Variants in RIMS4 observed in about 807,000 individuals in gnomAD.
The protein encoded by RIMS4 is regulating synaptic membrane exocytosis 4, also known as regulating synaptic membrane exocytosis protein 4.
Under a neutral mutation model 29.0 loss-of-function variants are expected in RIMS4, and 9 were observed. The observed-to-expected ratio is 0.31, with a 90% confidence interval of 0.19 to 0.54. The LOEUF (loss-of-function observed/expected upper bound fraction) is 0.54. Ranked by LOEUF, RIMS4 falls within the 20% of genes least tolerant of loss-of-function variation. RIMS4 has a pLI of 0.94. For synonymous variants in RIMS4, 130 were observed against 152.9 expected (o/e 0.85, Z 1.10); for missense variants, 193 against 365.7 (o/e 0.53, Z 3.85).
chr20:44,772,363 A>G (rs138148505), intron 1 of RIMS4, among the ~76,000 whole-genome samples: 1 of 152,298 alleles, frequency 6.6e-6, no homozygotes, highest in Non-Finnish European at 1.5e-5. Context: ...CGAAGACCAT[A>G]AACTCCATGA....
intron 1 of RIMS4, 63 bp downstream of exon 1, chr20:44,810,111 AG>A: frequency 1.4e-6 from 1 of 702,446 alleles, no homozygotes; most frequent in East Asian, 8.4e-5. Context: ...CGGGTCGGGG[AG>A]GGGGCTACCG....
rs1484739359 is a variant in RIMS4, at chr20:44,755,425, C to A, written c.*709G>T. The A allele has an allele frequency of 6.5e-6, 1 of 152,678 alleles. No individual in the cohort carries two copies. Among genetic ancestry groups the A allele is most frequent in the Non-Finnish European group, 1.5e-5 (1 of 68,086 alleles). 9.5% of individuals were successfully genotyped at this position (152,678 alleles called of 1,614,324 possible). A position where few individuals can be genotyped will look rare whatever the true frequency, so the allele number is the denominator to read the frequency against. ...GGTTCCTAAACTAGCTTGTTGCAAT[C>A]CCATGGAGCGAGGCACCTAGGGGTC... On this transcript the variant is annotated 3_prime_UTR_variant, in exon 6 of 6. Transcript: ENST00000372851.
In RIMS4 at chr20:44,756,835, T is replaced by G; in HGVS notation, c.591+63A>C. The G allele has an allele frequency of 3.2e-6, 5 of 1,544,150 alleles. No individual in the cohort carries two copies. Among genetic ancestry groups the G allele is most frequent in the Non-Finnish European group, 3.5e-6 (4 of 1,138,258 alleles). Reference sequence around the variant, plus strand: ...CCCCGCCAGGGGTGCCCTCCTCTCATTCTGGTACTGTGCATGTGTGCTCGT... The same window carrying G: ...CCCCGCCAGGGGTGCCCTCCTCTCAGTCTGGTACTGTGCATGTGTGCTCGT... On this transcript the variant is annotated intron_variant, in intron 5 of 5. Coordinates refer to ENST00000372851, the MANE Select transcript of RIMS4 (RefSeq NM_182970.4). The surrounding 1 kb of genome is among the most constrained non-coding windows in gnomAD (Gnocchi z 5.9).
chr20:44,808,394 T>C (rs767799583), intron 1 of RIMS4, among the ~76,000 whole-genome samples: 1 of 152,132 alleles, frequency 6.6e-6, no homozygotes, highest in East Asian at 1.9e-4. Flanking sequence ...CAGCATGACT[T>C]TGAAGAAAAA....
chr20:44,772,454 T>C (rs1326340091), intron 1 of RIMS4, among the ~76,000 whole-genome samples: 1 of 152,158 alleles, frequency 6.6e-6, no homozygotes, highest in Admixed American at 6.5e-5. Context: ...CTAATAACTG[T>C]GGCTGCCTTG....
chr20:44,758,259 C>A, intron 2 of RIMS4, 75 bp from the exon 3 acceptor site: 1 of 1,008,032 alleles, frequency 9.9e-7, no homozygotes. Flanking sequence ...AGCAGTCAAC[C>A]TCCATGCAAT....
At chr20:44,757,115 G>C in intron 4 of RIMS4, 78 bp from the exon 5 acceptor site, 2 of 1,475,970 alleles carry the variant, frequency 1.4e-6, no homozygotes, top group Non-Finnish European at 1.9e-6. Flanking sequence ...GAGGGAGGCT[G>C]CCCACCCTCT....
At chr20:44,777,476 C>T (rs576572135) in intron 1 of RIMS4, among the ~76,000 whole-genome samples, 1 of 152,132 alleles carries the variant, frequency 6.6e-6, no homozygotes, top group Admixed American at 6.6e-5. Flanking sequence ...TATAATTTAA[C>T]CCCACCATAA....
chr20:44,778,405 G>A (rs186447451), intron 1 of RIMS4, among the ~76,000 whole-genome samples: 1 of 152,240 alleles, frequency 6.6e-6, no homozygotes. Flanking sequence ...GCTGGGTACA[G>A]TGGCTCATGG....
intron 2 of RIMS4, among the ~76,000 whole-genome samples, chr20:44,770,065 C>A (rs1246555430): frequency 1.3e-5 from 2 of 152,208 alleles, no homozygotes; most frequent in African/African-American, 4.8e-5. Flanking sequence ...TAGCCACATG[C>A]TTCTAGTGGC....
intron 1 of RIMS4, among the ~76,000 whole-genome samples, chr20:44,785,239 T>C (rs887726877): frequency 5.3e-5 from 8 of 151,960 alleles, no homozygotes; most frequent in African/African-American, 1.9e-4. Context: ...TCTTTTTTTT[T>C]TTTTTTCTTT....
chr20:44,794,094 A>G (rs900920574), intron 1 of RIMS4, among the ~76,000 whole-genome samples: 2 of 152,210 alleles, frequency 1.3e-5, no homozygotes, highest in East Asian at 3.8e-4. Context: ...GGAATGAGAC[A>G]GTACCCAATT....
chr20:44,802,327 A>C (rs1555302), intron 1 of RIMS4, among the ~76,000 whole-genome samples: 39,476 of 152,128 alleles, frequency 0.26, 5,808 homozygotes, highest in East Asian at 0.46. Flanking sequence ...AACCCTCTTG[A>C]GTATTTACTA....
At chr20:44,770,049 T>C (rs994732385) in intron 2 of RIMS4, among the ~76,000 whole-genome samples, 4 of 152,264 alleles carry the variant, frequency 2.6e-5, no homozygotes, top group African/African-American at 9.6e-5. Context: ...TTTCATCTTA[T>C]TTAATTAGCC....
In RIMS4 at chr20:44,801,746, C is replaced by T. The variant is rs79151092; in HGVS notation, c.97+8429G>A. On this transcript the variant is annotated intron_variant, in intron 1 of 5. Coordinates refer to ENST00000372851, the MANE Select transcript of RIMS4 (RefSeq NM_182970.4). ...GCTTTATGAGGGCCTACGTGTTAAA[C>T]CTGGCACAACGCAGGCAGCAGCTGA... Among the ~76,000 whole-genome samples, 584 of 152,234 alleles carry T rather than the reference C, an allele frequency of 3.8e-3. 6 individuals carry two copies. The highest frequency in any genetic ancestry group is 0.012 in the African/African-American group (512 of 41,530).
At chr20:44,783,109 TGAG>T (rs1420786349) in intron 1 of RIMS4, among the ~76,000 whole-genome samples, 1 of 152,218 alleles carries the variant, frequency 6.6e-6, no homozygotes, top group Non-Finnish European at 1.5e-5. Context: ...ACTGAGGCTC[TGAG>T]AACTGAAGCA....
At chr20:44,802,810 C>T (rs2066282812) in intron 1 of RIMS4, among the ~76,000 whole-genome samples, 1 of 152,192 alleles carries the variant, frequency 6.6e-6, no homozygotes. Flanking sequence ...AATTTGCCCC[C>T]TTCTCTGATC....
chr20:44,777,138 G>A (rs1414445224), intron 1 of RIMS4, among the ~76,000 whole-genome samples: 2 of 152,130 alleles, frequency 1.3e-5, no homozygotes, highest in Non-Finnish European at 1.5e-5. Context: ...CCACCTAGTC[G>A]ATGTCAGTGT....
At chr20:44,791,168 T>C (rs1399934765) in intron 1 of RIMS4, among the ~76,000 whole-genome samples, 1 of 152,260 alleles carries the variant, frequency 6.6e-6, no homozygotes, top group Non-Finnish European at 1.5e-5. Flanking sequence ...ATATGTGTTG[T>C]GTGTGTGCAC....
Sources: allele counts gnomAD v4.1 joint callset (sites outside exome capture counted in the v4.1 genomes callset), GRCh38; gene constraint gnomAD v4.1.1; non-coding constraint Gnocchi (gnomAD v3.1); transcripts MANE v1.5; gene names NCBI Gene and HGNC (gene_info 2026-07-23, HGNC 2026-07-21).